Variants in ZSCAN4 observed in about 807,000 individuals in gnomAD.
ZSCAN4 encodes the protein zinc finger and SCAN domain-containing protein 4.
ZSCAN4 carries 18 observed loss-of-function variants against 18.3 expected under a neutral mutation model. The ratio of observed to expected loss-of-function variants is 0.98; its 90% CI spans 0.68 to 1.46. The LOEUF (loss-of-function observed/expected upper bound fraction) is 1.46. Among genes scored for constraint, ZSCAN4 ranks in the 40% most tolerant of loss-of-function variants. The pLI, the probability that ZSCAN4 is intolerant of heterozygous loss-of-function variation, is 0.00. For missense variants in ZSCAN4, 498 were observed against 511.4 expected, an observed-to-expected ratio of 0.97 and a Z score of 0.25; for synonymous variants, 193 against 180.3, an observed-to-expected ratio of 1.07 and a Z score of -0.57.
At chr19:57,675,737 A>G (rs979637976) in intron 2 of ZSCAN4, among the ~76,000 whole-genome samples, 6 of 152,228 alleles carry the variant, frequency 3.9e-5, no homozygotes, top group Non-Finnish European at 8.8e-5. Flanking sequence ...TTTGAATTTT[A>G]ACCCAAACTT....
At chr19:57,654,817 C>T in the ZSCAN4 span, among the ~76,000 whole-genome samples, 1 of 152,300 alleles carries the variant, frequency 6.6e-6, no homozygotes, top group South Asian at 2.1e-4. Flanking sequence ...CTGATACTCA[C>T]ACATCCGCAC....
chr19:57,672,364 G>A (rs986241446), intron 2 of ZSCAN4, among the ~76,000 whole-genome samples: 1 of 152,102 alleles, frequency 6.6e-6, no homozygotes, highest in Non-Finnish European at 1.5e-5. Flanking sequence ...AGATGTCTGT[G>A]CCTAATAAGT....
At chr19:57,658,654 C>G in the ZSCAN4 span, among the ~76,000 whole-genome samples, 1 of 151,614 alleles carries the variant, frequency 6.6e-6, no homozygotes, top group East Asian at 1.9e-4. Flanking sequence ...GCCAACATGG[C>G]GAAACCCCGT....
the ZSCAN4 span, among the ~76,000 whole-genome samples, chr19:57,652,291 T>C: frequency 6.6e-6 from 1 of 152,174 alleles, no homozygotes; most frequent in Admixed American, 6.5e-5. Context: ...TGGACAATGA[T>C]AGTTGATGGC....
At chr19:57,672,066 A>G (rs1036111310) in intron 2 of ZSCAN4, among the ~76,000 whole-genome samples, 1 of 152,202 alleles carries the variant, frequency 6.6e-6, no homozygotes, top group African/African-American at 2.4e-5. Context: ...TTATCCATTC[A>G]GGATTTCAAA....
rs866733703 is a variant in ZSCAN4, at chr19:57,678,037, C to A, written c.520C>A (p.Pro174Thr). ...CACAAGAGAAGCAAACATGGGGACA[C>A]CCTCCCAGACTTCCCAAGATACTTC... Residue 174 changes from proline to threonine, a missense_variant, in exon 4 of 5, where the codon CCC becomes ACC. Physicochemically the swap from Pro to Thr is conservative, Grantham distance 38 (BLOSUM62 -1). Coordinates refer to ENST00000318203, the Ensembl canonical transcript of ZSCAN4. 8.2e-6 allele frequency: 13 copies of A among 1,590,792 alleles called. No individual in the cohort carries two copies. In the African/African-American group the frequency reaches 1.1e-4, roughly 13 times the overall value.
At chr19:57,676,690 A>G (rs1984201484) in intron 3 of ZSCAN4, 149 bp downstream of exon 3, 1 of 977,210 alleles carries the variant, frequency 1.0e-6, no homozygotes, top group Non-Finnish European at 1.5e-6. Flanking sequence ...CACAAAGAAT[A>G]ATCTTCAATG....
exon 3 of ZSCAN4, chr19:57,676,121 G>T (rs1411600021): frequency 1.3e-6 from 2 of 1,575,326 alleles, no homozygotes; most frequent in Non-Finnish European, 1.7e-6. Context: ...TCAAAGTAAA[G>T]TCTCTCTGAG....
At chr19:57,662,987 A>G in the ZSCAN4 span, among the ~76,000 whole-genome samples, 5 of 151,824 alleles carry the variant, frequency 3.3e-5, no homozygotes, top group South Asian at 2.1e-4. Flanking sequence ...GGTTCAAGAG[A>G]TCCTCCTGCC....
At chr19:57,663,519 C>CAA in the ZSCAN4 span, among the ~76,000 whole-genome samples, 14 of 18,286 alleles carry the variant, frequency 7.7e-4, no homozygotes, top group African/African-American at 3.0e-3. Flanking sequence ...AACCATGTCT[C>CAA]TAAAAAAAAA....
intron 2 of ZSCAN4, among the ~76,000 whole-genome samples, chr19:57,674,615 G>A (rs187121110): frequency 6.2e-4 from 94 of 152,242 alleles, no homozygotes; most frequent in Admixed American, 1.3e-3. Flanking sequence ...CCTGTGACTA[G>A]TGCTGCAATC....
At chr19:57,674,476 AACTATGTT>A (rs2122301869) in intron 2 of ZSCAN4, among the ~76,000 whole-genome samples, 1 of 152,326 alleles carries the variant, frequency 6.6e-6, no homozygotes, top group Admixed American at 6.5e-5. Context: ...CTCCAGCTCC[AACTATGTT>A]GCTGCAAAGG....
At chr19:57,668,360 T>C (rs952664985), upstream of ZSCAN4, among the ~76,000 whole-genome samples, 1 of 152,112 alleles carries the variant, frequency 6.6e-6, no homozygotes, top group African/African-American at 2.4e-5. Context: ...GTATGGAGTA[T>C]ATGTGGATGA....
chr19:57,665,312 T>C (rs1307698293), upstream of ZSCAN4, among the ~76,000 whole-genome samples: 1 of 152,050 alleles, frequency 6.6e-6, no homozygotes, highest in Non-Finnish European at 1.5e-5. Context: ...TTTCCTGGAG[T>C]GTATCTACTT....
chr19:57,676,357 C>T, exon 3 of ZSCAN4: 1 of 1,614,162 alleles, frequency 6.2e-7, no homozygotes, highest in Non-Finnish European at 8.5e-7. Flanking sequence ...ATCTTTCACT[C>T]ATGGCTGCAA....
chr19:57,678,947 GTA>G, exon 5 of ZSCAN4: 1 of 1,517,298 alleles, frequency 6.6e-7, no homozygotes, highest in Non-Finnish European at 8.8e-7. Flanking sequence ...ATGCAAGTAT[GTA>G]TATTCCTATA....
At chr19:57,661,894 C>T in the ZSCAN4 span, among the ~76,000 whole-genome samples, 1 of 152,028 alleles carries the variant, frequency 6.6e-6, no homozygotes, top group East Asian at 1.9e-4. Context: ...CCAGCCTGGC[C>T]AACATGATAA....
At chr19:57,663,716 A>G in the ZSCAN4 span, among the ~76,000 whole-genome samples, 1 of 151,640 alleles carries the variant, frequency 6.6e-6, no homozygotes, top group African/African-American at 2.4e-5. Context: ...TCAAAAAAAA[A>G]AAAAAAAAAA....
the ZSCAN4 span, among the ~76,000 whole-genome samples, chr19:57,659,276 ACTGT>A: frequency 6.6e-6 from 1 of 152,186 alleles, no homozygotes; most frequent in Non-Finnish European, 1.5e-5. Context: ...CTTACTGCTT[ACTGT>A]CTGTTTCTAT....
Sources: allele counts gnomAD v4.1 joint callset (sites outside exome capture counted in the v4.1 genomes callset), GRCh38; gene constraint gnomAD v4.1.1; transcripts MANE v1.5; gene names NCBI Gene and HGNC (gene_info 2026-07-23, HGNC 2026-07-21).